Variants in DOK5 observed in about 807,000 individuals in gnomAD.
DOK5 encodes downstream of tyrosine kinase 5.
Under a neutral mutation model 43.3 loss-of-function variants are expected in DOK5, and 27 were observed. That is an observed-to-expected ratio of 0.62 (90% CI 0.46 to 0.86). The LOEUF (loss-of-function observed/expected upper bound fraction) is 0.86. Among genes scored for constraint, DOK5 ranks in the 40% least tolerant of loss-of-function variants. DOK5 has a pLI of 0.00. For missense variants in DOK5, 373 were observed against 392.9 expected (o/e 0.95, Z 0.43); for synonymous variants, 146 against 140.1 (o/e 1.04, Z -0.30).
At chr20:54,542,400 G>A (rs546822730) in intron 1 of DOK5, among the ~76,000 whole-genome samples, 4 of 152,260 alleles carry the variant, frequency 2.6e-5, no homozygotes, top group East Asian at 1.9e-4. Context: ...GTTAGAAATC[G>A]AAGCTAGACA....
intron 6 of DOK5, among the ~76,000 whole-genome samples, chr20:54,623,047 C>T (rs1391090618): frequency 2.0e-5 from 3 of 152,094 alleles, no homozygotes; most frequent in African/African-American, 7.2e-5. Context: ...AAGAGTTATG[C>T]CTGGGGAACA....
At chr20:54,566,289 A>C (rs751225505) in intron 2 of DOK5, among the ~76,000 whole-genome samples, 2 of 152,168 alleles carry the variant, frequency 1.3e-5, no homozygotes, top group Admixed American at 1.3e-4. Context: ...CATAGTATAC[A>C]TTCCCAGAGT....
At chr20:54,570,428 A>G (rs1438475206) in intron 2 of DOK5, among the ~76,000 whole-genome samples, 1 of 152,218 alleles carries the variant, frequency 6.6e-6, no homozygotes, top group East Asian at 1.9e-4. Context: ...AACAATTTGA[A>G]GCTTCTGCAG....
At position 54,588,748 on chromosome 20, in the gene DOK5, T is replaced by C. The variant is rs150360240; in HGVS notation, c.351T>C (p.Asn117=). Residue 117 remains asparagine, a synonymous_variant, in exon 4 of 8, where the codon AAT becomes AAC. Transcript: ENST00000262593. ...TGGAGTGTGTAGGAACACGGATCAA[T>C]GACATCAGCCTTGGAGAGCCTGACT... ...LQMECVGTRI[N]DISLGEPDLL... 457 of 1,614,060 alleles carry C rather than the reference T, an allele frequency of 2.8e-4. No homozygotes were observed. In the African/African-American group the frequency reaches 5.3e-3, roughly 19 times the overall value.
At chr20:54,615,886 C>A (rs1363320487) in intron 6 of DOK5, among the ~76,000 whole-genome samples, 1 of 142,516 alleles carries the variant, frequency 7.0e-6, no homozygotes, top group African/African-American at 2.8e-5. Flanking sequence ...GGTGACAGAG[C>A]GAGACTCCAT....
intron 2 of DOK5, among the ~76,000 whole-genome samples, chr20:54,568,932 AAAATAAAT>A (rs373240230): frequency 6.7e-6 from 1 of 149,832 alleles, no homozygotes; most frequent in African/African-American, 2.5e-5. Context: ...ACTCTATCTC[AAAATAAAT>A]AAATAAATAA....
chr20:54,599,459 A>G (rs961586674), intron 5 of DOK5, among the ~76,000 whole-genome samples: 10 of 152,226 alleles, frequency 6.6e-5, no homozygotes, highest in South Asian at 2.1e-4. Context: ...AACCTCTTTA[A>G]TAATCATCTT....
At chr20:54,639,979 T>C (rs1195804073) in intron 6 of DOK5, among the ~76,000 whole-genome samples, 1 of 152,154 alleles carries the variant, frequency 6.6e-6, no homozygotes, top group Non-Finnish European at 1.5e-5. Flanking sequence ...GAGCCCACCA[T>C]CTCTGCAGCT....
intron 1 of DOK5, among the ~76,000 whole-genome samples, chr20:54,535,715 TG>T (rs1275841747): frequency 6.6e-6 from 1 of 152,142 alleles, no homozygotes; most frequent in Non-Finnish European, 1.5e-5. Flanking sequence ...CCCTTCTCCA[TG>T]GTATAAAAAG....
chr20:54,523,244 T>C (rs1486555575), intron 1 of DOK5, among the ~76,000 whole-genome samples: 8 of 152,164 alleles, frequency 5.3e-5, no homozygotes, highest in African/African-American at 1.7e-4. Context: ...AAAGCTCCAA[T>C]AGAAATATTA....
intron 1 of DOK5, among the ~76,000 whole-genome samples, chr20:54,548,959 A>T (rs1277507424): frequency 6.6e-6 from 1 of 152,144 alleles, no homozygotes; most frequent in Non-Finnish European, 1.5e-5. Flanking sequence ...AGTTTAACGG[A>T]TTACATTTCT....
At chr20:54,580,199 T>A (rs770711448) in intron 2 of DOK5, among the ~76,000 whole-genome samples, 1 of 152,158 alleles carries the variant, frequency 6.6e-6, no homozygotes, top group Non-Finnish European at 1.5e-5. Flanking sequence ...CATCAAAAAG[T>A]GGGCAAAGAA....
At chr20:54,596,163 C>T (rs890131364) in intron 5 of DOK5, among the ~76,000 whole-genome samples, 2 of 152,152 alleles carry the variant, frequency 1.3e-5, no homozygotes, top group Non-Finnish European at 2.9e-5. Context: ...TAAGATCATT[C>T]GTGTTCCACA....
intron 5 of DOK5, among the ~76,000 whole-genome samples, chr20:54,595,198 G>T (rs978994119): frequency 2.6e-5 from 4 of 152,076 alleles, no homozygotes; most frequent in Non-Finnish European, 4.4e-5. Context: ...AAAATTAGCC[G>T]GGCGTGGTAG....
At chr20:54,551,508 T>G (rs1477791502) in intron 1 of DOK5, among the ~76,000 whole-genome samples, 1 of 152,230 alleles carries the variant, frequency 6.6e-6, no homozygotes, top group Non-Finnish European at 1.5e-5. Flanking sequence ...TTTTATCGTT[T>G]TATTTGATAT....
At chr20:54,550,020 A>G (rs1984470729) in intron 1 of DOK5, among the ~76,000 whole-genome samples, 1 of 152,162 alleles carries the variant, frequency 6.6e-6, no homozygotes, top group East Asian at 1.9e-4. Context: ...CAAGATGTTG[A>G]TAGGACTCTC....
At chr20:54,549,027 C>T (rs1043693954) in intron 1 of DOK5, among the ~76,000 whole-genome samples, 1 of 152,200 alleles carries the variant, frequency 6.6e-6, no homozygotes, top group Non-Finnish European at 1.5e-5. Flanking sequence ...TTTCAAAGGC[C>T]ACCATGTGCC....
intron 1 of DOK5, among the ~76,000 whole-genome samples, chr20:54,520,820 C>T (rs1237518651): frequency 7.5e-6 from 1 of 133,654 alleles, no homozygotes; most frequent in Non-Finnish European, 1.8e-5. Context: ...AAAAAACCTA[C>T]ATGTCTTATA....
chr20:54,486,260 T>A (rs1041866632), intron 1 of DOK5, among the ~76,000 whole-genome samples: 1 of 152,126 alleles, frequency 6.6e-6, no homozygotes, highest in Admixed American at 6.5e-5. Flanking sequence ...CATTGAGCAT[T>A]TTCATGTCTT....
Sources: gnomAD v4.1 joint callset for allele counts (sites outside exome capture counted in the v4.1 genomes callset) on GRCh38, gnomAD v4.1.1 for gene constraint, MANE v1.5 for transcripts, NCBI Gene and HGNC (gene_info 2026-07-23, HGNC 2026-07-21) for gene names.